Variants in DNMT1 observed in about 807,000 individuals in gnomAD.
The protein encoded by DNMT1 is DNA (cytosine-5)-methyltransferase 1.
DNMT1 carries 24 observed loss-of-function variants against 205.3 expected under a neutral mutation model. The observed-to-expected ratio is 0.12, with a 90% confidence interval of 0.08 to 0.16. DNMT1 has a LOEUF of 0.16. Ranked by LOEUF, DNMT1 falls within the 10% of genes least tolerant of loss-of-function variation. The pLI is 1.00. For missense variants in DNMT1, 1,293 were observed against 2,177.7 expected, an observed-to-expected ratio of 0.59 and a Z score of 8.09; for synonymous variants, 817 against 839.8, an observed-to-expected ratio of 0.97 and a Z score of 0.47.
At position 10,182,218 on chromosome 19, in the gene DNMT1, G is replaced by A. The variant is rs532976919; in HGVS notation, c.81-141C>T. 4.9e-6 allele frequency: 4 copies of A among 824,084 alleles called. No individual in the cohort carries two copies. The Admixed American group carries it at 8.2e-5, about 17-fold the overall frequency. 51.0% of individuals were successfully genotyped at this position (824,084 alleles called of 1,614,324 possible). A position where few individuals can be genotyped will look rare whatever the true frequency, so the allele number is the denominator to read the frequency against. ...GTTAGAAAAAACTAAGCTGGCTTTTGTCTCCCCGCAAGAGTCTAGAGTGTC... is the reference window on the plus strand; with the variant it reads ...GTTAGAAAAAACTAAGCTGGCTTTTATCTCCCCGCAAGAGTCTAGAGTGTC... On this transcript the variant is annotated intron_variant, in intron 1 of 40. Transcript: ENST00000359526.
At chr19:10,162,348 C>T (rs1252544091) in intron 13 of DNMT1, among the ~76,000 whole-genome samples, 2 of 152,040 alleles carry the variant, frequency 1.3e-5, no homozygotes, top group Non-Finnish European at 2.9e-5. Flanking sequence ...CGGCTCACTG[C>T]AACCTCCACC....
chr19:10,174,072 G>C (rs1302899805), intron 7 of DNMT1, among the ~76,000 whole-genome samples, 167 bp from the exon 8 acceptor site: 1 of 152,076 alleles, frequency 6.6e-6, no homozygotes, highest in Non-Finnish European at 1.5e-5. Flanking sequence ...CTCTTACTCT[G>C]GTATTAATCC....
At chr19:10,177,052 G>A (rs2038951072) in intron 6 of DNMT1, among the ~76,000 whole-genome samples, 1 of 152,074 alleles carries the variant, frequency 6.6e-6, no homozygotes, top group African/African-American at 2.4e-5. Flanking sequence ...GGCACTAGAT[G>A]ATGGGTATTT....
chr19:10,135,859 G>T lies in DNMT1; in HGVS notation c.4657-7C>A. 1.3e-6 allele frequency: 2 copies of T among 1,547,164 alleles called. No homozygotes were observed. The highest frequency in any genetic ancestry group is 8.7e-7 in the Non-Finnish European group (1 of 1,149,106). ...CTGGGTGGAGCACGCGGCCCTGGGG[G>T]AAAGAGGCGCGGTGGGCGAGGGCAG... On this transcript the variant is annotated splice_region_variant and splice_polypyrimidine_tract_variant and intron_variant, in intron 38 of 40. Transcript: ENST00000359526.
At chr19:10,135,455 C>A in intron 39 of DNMT1, 1 of 490,008 alleles carries the variant, frequency 2.0e-6, no homozygotes, top group South Asian at 2.1e-5. Context: ...TGAGCTGTCG[C>A]CACCATGGGT....
At position 10,138,609 on chromosome 19, in the gene DNMT1, T is replaced by G; in HGVS notation, c.3949-4A>C. 10 of 1,601,654 alleles carry G rather than the reference T, an allele frequency of 6.2e-6. No homozygotes were observed. The highest frequency in any genetic ancestry group is 8.5e-6 in the Non-Finnish European group (10 of 1,179,586). ...GGGCCACGCCGTACTGACCGGCCTG[T>G]GGGGGAGAAGGACGGACAACCCCAC... On this transcript the variant is annotated splice_polypyrimidine_tract_variant and splice_region_variant and intron_variant, in intron 34 of 40. Coordinates refer to ENST00000359526, the MANE Select transcript of DNMT1 (RefSeq NM_001130823.3). The surrounding 1 kb of genome is among the most constrained non-coding windows in gnomAD (Gnocchi z 4.1).
chr19:10,191,043 G>A (rs985689159), intron 1 of DNMT1, among the ~76,000 whole-genome samples: 1 of 151,926 alleles, frequency 6.6e-6, no homozygotes, highest in South Asian at 2.1e-4. Context: ...AACTCGGGAG[G>A]TGGAGGTTGC....
intron 17 of DNMT1, among the ~76,000 whole-genome samples, chr19:10,158,547 G>A (rs532773521): frequency 6.6e-6 from 1 of 152,220 alleles, no homozygotes; most frequent in Admixed American, 6.5e-5. Context: ...CATTTCCCAC[G>A]AAGAACAAGG....
intron 6 of DNMT1, 40 bp downstream of exon 6, chr19:10,177,252 G>T: frequency 6.3e-7 from 1 of 1,589,390 alleles, no homozygotes; most frequent in Non-Finnish European, 8.6e-7. Context: ...AAAACAGCCG[G>T]CCCCTAAAAA....
intron 2 of DNMT1, 64 bp from the exon 3 acceptor site, chr19:10,180,949 C>T: frequency 1.5e-6 from 2 of 1,362,732 alleles, no homozygotes; most frequent in African/African-American, 2.9e-5. Flanking sequence ...TGGACTAATA[C>T]ACAAATTATT....
chr19:10,138,300 C>T lies in DNMT1; in HGVS notation c.4115+139G>A, dbSNP rs1599343615. 2.9e-6 allele frequency: 4 copies of T among 1,362,538 alleles called. No individual in the cohort carries two copies. The East Asian group carries it at 9.6e-5, about 33-fold the overall frequency. The allele number at this position is 1,362,538 out of a possible 1,614,324, so 84.4% of individuals were successfully genotyped here. A position where few individuals can be genotyped will look rare whatever the true frequency, so the allele number is the denominator to read the frequency against. On this transcript the variant is annotated intron_variant, in intron 35 of 40. Coordinates refer to ENST00000359526, the MANE Select transcript of DNMT1 (RefSeq NM_001130823.3). This position sits in a 1 kb window ranked among gnomAD's most constrained non-coding sequence, Gnocchi z 4.1. ...CTGGAGACCACAGGTGGCAGAGTGC[C>T]ATGTGGCAGAGCACCGTGTGGCAGG...
In DNMT1 at chr19:10,156,121, G is replaced by A. The variant is rs925245086; in HGVS notation, c.1400-176C>T. The stretch of plus-strand genomic sequence containing the variant: ...AAAGTCTCACACCCTAACTTTAAGA[G>A]GCAGCAGCAACTCCAGCTGACTATT... On this transcript the variant is annotated intron_variant, in intron 18 of 40. Coordinates refer to ENST00000359526, the MANE Select transcript of DNMT1 (RefSeq NM_001130823.3). This position sits in a 1 kb window ranked among gnomAD's most constrained non-coding sequence, Gnocchi z 4.2. 2.6e-5 allele frequency among the ~76,000 whole-genome samples: 4 copies of A among 151,974 alleles called. No homozygotes were observed. Among genetic ancestry groups the A allele is most frequent in the Admixed American group, 6.6e-5 (1 of 15,242 alleles).
At position 10,139,662 on chromosome 19, in the gene DNMT1, G is replaced by A. The variant is rs1314512127; in HGVS notation, c.3948+14C>T. 1 of 1,611,212 alleles carries A rather than the reference G, an allele frequency of 6.2e-7. No homozygotes were observed. The highest frequency in any genetic ancestry group is 8.5e-7 in the Non-Finnish European group (1 of 1,179,622). On this transcript the variant is annotated intron_variant, in intron 34 of 40. Transcript: ENST00000359526. ...TGGCCACATCTGTCTGCCCGCCCCA[G>A]CCCCAGGGCCCACCTGCAGCACGCC...
rs2089575672 is a variant in DNMT1 at position 10,140,234 on chromosome 19, G to A, written c.3618C>T (p.Asp1206=). 1 of 1,613,956 alleles carries A rather than the reference G, an allele frequency of 6.2e-7. No homozygotes were observed. Among genetic ancestry groups the A allele is most frequent in the African/African-American group, 1.3e-5 (1 of 74,934 alleles). ...NNPGSTVFTE[D]CNILLKLVMA... ...TGACCAGCTTCAGCAGGATGTTGCA[G>A]TCCTCTGTGAACACTGTGGAGCCGG... The change falls in exon 33 of 41, where the codon GAC becomes GAT. Residue 1206 remains aspartate, a synonymous_variant. Transcript: ENST00000359526. The surrounding 1 kb of genome is among the most constrained non-coding windows in gnomAD (Gnocchi z 8.4).
rs539016945 is a variant in DNMT1 at position 10,178,953 on chromosome 19, C to T, written c.493+1234G>A. Among the ~76,000 whole-genome samples, 36 of 150,388 alleles carry T rather than the reference C, an allele frequency of 2.4e-4. No homozygotes were observed. The South Asian group carries it at 6.8e-3, about 28-fold the overall frequency. ...CATCCTGGCTAATATGGTGAAATCC[C>T]GTCTCTACTAAAAAATACAAAAAAA... On this transcript the variant is annotated intron_variant, in intron 5 of 40. Coordinates refer to ENST00000359526, the MANE Select transcript of DNMT1 (RefSeq NM_001130823.3).
chr19:10,163,445 T>C, intron 11 of DNMT1, 85 bp from the exon 12 acceptor site: 2 of 1,413,512 alleles, frequency 1.4e-6, no homozygotes, highest in Non-Finnish European at 2.0e-6. Context: ...ATGCAAACAC[T>C]GAAGTTACAG....
Position 10,154,575 on chromosome 19 carries a change from C to T in DNMT1, c.1832+11G>A, listed in dbSNP as rs368352041. 16 of 1,613,802 alleles carry T rather than the reference C, an allele frequency of 9.9e-6. No homozygotes were observed. Among genetic ancestry groups the T allele is most frequent in the African/African-American group, 8.0e-5 (6 of 74,902 alleles). On this transcript the variant is annotated intron_variant, in intron 21 of 40. Coordinates refer to ENST00000359526, the MANE Select transcript of DNMT1 (RefSeq NM_001130823.3). The surrounding 1 kb of genome is among the most constrained non-coding windows in gnomAD (Gnocchi z 6.3). ...CTCCAGTCTTCACTCTGGTCCCTGC[C>T]GCATCCTTACCTCTGTCCCAGCGTG...
At chr19:10,160,302 C>T in intron 14 of DNMT1, 82 bp downstream of exon 14, 1 of 1,599,976 alleles carries the variant, frequency 6.3e-7, no homozygotes. Context: ...CTGGCAATTA[C>T]TGAAACCCCT....
At position 10,154,940 on chromosome 19, in the gene DNMT1, C is replaced by T. The variant is rs767797868; in HGVS notation, c.1609G>A (p.Asp537Asn). ...IVVEFLQSNS[D>N]STYEDLINKI... ...TTGATCAGGTCCTCATAGGTCGAGT[C>T]GGAATTGCTCTGCAGGAACTCCACC... Residue 537 changes from aspartate to asparagine, a missense_variant, in exon 20 of 41, where the codon GAC (aspartate) becomes AAC (asparagine). Physicochemically the swap from Asp to Asn is conservative, Grantham distance 23. Around this residue, in one of 13 missense-constraint regions of DNMT1, gnomAD observed 120 missense variants for 315.9 expected, o/e 0.38. Coordinates refer to ENST00000359526, the MANE Select transcript of DNMT1 (RefSeq NM_001130823.3). The surrounding 1 kb of genome is among the most constrained non-coding windows in gnomAD (Gnocchi z 6.3). 12 of 1,614,050 alleles carry T rather than the reference C, an allele frequency of 7.4e-6. No homozygotes were observed. Among genetic ancestry groups the T allele is most frequent in the African/African-American group, 1.3e-5 (1 of 74,928 alleles).
Sources: allele counts gnomAD v4.1 joint callset (sites outside exome capture counted in the v4.1 genomes callset), GRCh38; gene constraint gnomAD v4.1.1; regional missense constraint gnomAD v4.1.1; non-coding constraint Gnocchi (gnomAD v3.1); transcripts MANE v1.5; gene names NCBI Gene and HGNC (gene_info 2026-07-23, HGNC 2026-07-21).